Variants in BAZ1A observed in about 807,000 individuals in gnomAD.
BAZ1A encodes the protein bromodomain adjacent to zinc finger domain 1A, also known as bromodomain adjacent to zinc finger domain protein 1A.
BAZ1A carries 50 observed loss-of-function variants against 185.2 expected under a neutral mutation model. The ratio of observed to expected loss-of-function variants is 0.27; its 90% CI spans 0.22 to 0.34. The LOEUF (loss-of-function observed/expected upper bound fraction) is 0.34, where lower values mean the gene tolerates loss of function less well. Ranked by LOEUF, BAZ1A falls within the 10% of genes least tolerant of loss-of-function variation. The pLI, the probability that BAZ1A is intolerant of heterozygous loss-of-function variation, is 1.00. For missense variants in BAZ1A, 1,356 were observed against 1,839.9 expected, an observed-to-expected ratio of 0.74 and a Z score of 4.81; for synonymous variants, 571 against 615.6, an observed-to-expected ratio of 0.93 and a Z score of 1.07.
rs144094932 is a variant in BAZ1A at position 34,850,656 on chromosome 14, A to G, written c.392+11388T>C. ...AGCTAAATAGAAGATTATGTACTACAATATTACAGAGGTTCCTTAAGGGTA... is the reference window on the plus strand; with the variant it reads ...AGCTAAATAGAAGATTATGTACTACGATATTACAGAGGTTCCTTAAGGGTA... On this transcript the variant is annotated intron_variant, in intron 3 of 26. Transcript: ENST00000360310. 3.9e-3 allele frequency among the ~76,000 whole-genome samples: 601 copies of G among 152,354 alleles called. 1 individual carries two copies. The highest frequency in any genetic ancestry group is 0.014 in the African/African-American group (567 of 41,584).
intron 9 of BAZ1A, among the ~76,000 whole-genome samples, chr14:34,797,836 G>C (rs1349136317): frequency 6.6e-6 from 1 of 152,082 alleles, no homozygotes; most frequent in Non-Finnish European, 1.5e-5. Context: ...AGCAGGGCGA[G>C]CCAAAGCAGG....
rs2042583596 is a variant in BAZ1A, at chr14:34,850,728, T to TC, written c.392+11315dup. On this transcript the variant is annotated intron_variant, in intron 3 of 26. Transcript: ENST00000360310. ...AAAATTTTAGAATCTCTGCCACTTC[T>TC]CTGTAGCAAGTATCTTTTCTCTTGC... 2.6e-5 allele frequency among the ~76,000 whole-genome samples: 4 copies of TC among 152,242 alleles called. No homozygotes were observed. In the South Asian group the frequency reaches 8.3e-4, roughly 31 times the overall value.
At position 34,761,936 on chromosome 14, in the gene BAZ1A, C is replaced by T. The variant is rs1047041166; in HGVS notation, c.4064G>A (p.Arg1355His). The T allele has an allele frequency of 5.0e-6, 8 of 1,614,090 alleles. No homozygotes were observed. The highest frequency in any genetic ancestry group is 1.7e-5 in the Admixed American group (1 of 60,008). Residue 1355 changes from arginine to histidine, a missense_variant, in exon 24 of 27, where the codon CGT becomes CAT. Arg to His is a conservative substitution (Grantham distance 29, BLOSUM62 0). Around this residue, in one of 7 missense-constraint regions of BAZ1A, gnomAD observed 309 missense variants for 355.3 expected, o/e 0.87. Transcript: ENST00000360310. ...ACTTTTCCTGCCTCTGCGTTTTCTA[C>T]GAGGACTAAGCAATTCCACAAATAC... ...ADVFVELLSPRRKRRGRKSAN... is the reference protein window; with the variant it reads ...ADVFVELLSPHRKRRGRKSAN...
intron 25 of BAZ1A, among the ~76,000 whole-genome samples, chr14:34,756,014 T>C (rs1430545325): frequency 6.7e-6 from 1 of 149,352 alleles, no homozygotes; most frequent in Non-Finnish European, 1.5e-5. Context: ...TTTTTTTTTG[T>C]ATTTTTTGTA....
intron 7 of BAZ1A, among the ~76,000 whole-genome samples, chr14:34,801,458 A>AT (rs111402829): frequency 7.3e-5 from 11 of 150,864 alleles, no homozygotes; most frequent in African/African-American, 1.5e-4. Context: ...CACCTGGCTA[A>AT]TTTTTTTTTG....
chr14:34,808,528 A>AT (rs1281515289), intron 5 of BAZ1A, among the ~76,000 whole-genome samples: 1 of 152,128 alleles, frequency 6.6e-6, no homozygotes, highest in Non-Finnish European at 1.5e-5. Context: ...AACAAAAAAA[A>AT]TTAAAATCAG....
At chr14:34,848,541 G>A (rs1159984760) in intron 3 of BAZ1A, among the ~76,000 whole-genome samples, 1 of 152,128 alleles carries the variant, frequency 6.6e-6, no homozygotes, top group Non-Finnish European at 1.5e-5. Flanking sequence ...AGGCGGAGTT[G>A]CAGTGAGCCA....
At chr14:34,761,331 GC>G (rs1886513671) in intron 24 of BAZ1A, among the ~76,000 whole-genome samples, 1 of 152,060 alleles carries the variant, frequency 6.6e-6, no homozygotes, top group South Asian at 2.1e-4. Context: ...AAATATTACT[GC>G]TTCCAACTCT....
chr14:34,833,109 G>A (rs1344987086), intron 3 of BAZ1A, among the ~76,000 whole-genome samples: 2 of 152,104 alleles, frequency 1.3e-5, no homozygotes, highest in African/African-American at 4.8e-5. Flanking sequence ...AGGTGTGGTG[G>A]TGCACATCAG....
intron 3 of BAZ1A, chr14:34,845,192 ATT>A (rs1422349297): frequency 6.8e-6 from 1 of 147,344 alleles, no homozygotes; most frequent in African/African-American, 2.5e-5. Flanking sequence ...GTAGTTTTGT[ATT>A]TTTTCATACT....
At chr14:34,866,867 T>A (rs1012354016) in intron 2 of BAZ1A, among the ~76,000 whole-genome samples, 5 of 151,986 alleles carry the variant, frequency 3.3e-5, no homozygotes, top group Non-Finnish European at 7.4e-5. Context: ...TTAAAAATTT[T>A]AAAATAAAAA....
chr14:34,782,254 T>C (rs934121692), intron 16 of BAZ1A, among the ~76,000 whole-genome samples: 11 of 152,242 alleles, frequency 7.2e-5, no homozygotes, highest in Admixed American at 5.2e-4. Context: ...AATTTGATTA[T>C]AGCCAGCCTA....
chr14:34,840,407 T>C (rs1312948139), intron 3 of BAZ1A, among the ~76,000 whole-genome samples: 1 of 152,102 alleles, frequency 6.6e-6, no homozygotes, highest in Non-Finnish European at 1.5e-5. Flanking sequence ...CAAAATAAAG[T>C]ACATAAAAAC....
At chr14:34,870,180 A>C (rs2042928573) in intron 2 of BAZ1A, among the ~76,000 whole-genome samples, 2 of 152,230 alleles carry the variant, frequency 1.3e-5, no homozygotes, top group South Asian at 4.1e-4. Context: ...TCTGAAGAAA[A>C]AATGTATTTA....
intron 9 of BAZ1A, among the ~76,000 whole-genome samples, chr14:34,796,645 G>A (rs1316215413): frequency 6.6e-6 from 1 of 152,088 alleles, no homozygotes; most frequent in Non-Finnish European, 1.5e-5. Flanking sequence ...AATATTAACT[G>A]CTAAATGTCT....
rs1256759003 is a variant in BAZ1A at position 34,802,645 on chromosome 14, T to C, written c.861+209A>G. ...ACTTTGGTATAGAATCCTTGTGGTA[T>C]GAAAGTCATATCTAATTCACACCTG... is the stretch of plus-strand genomic sequence containing the variant. On this transcript the variant is annotated intron_variant, in intron 7 of 26. Coordinates refer to ENST00000360310, the MANE Select transcript of BAZ1A (RefSeq NM_013448.3). Among the ~76,000 whole-genome samples the C allele has an allele frequency of 3.9e-5, 6 of 152,242 alleles. 1 individual carries two copies. Among genetic ancestry groups the C allele is most frequent in the Non-Finnish European group, 7.3e-5 (5 of 68,044 alleles).
At chr14:34,755,292 C>G (rs1419336053) in intron 25 of BAZ1A, among the ~76,000 whole-genome samples, 3 of 152,100 alleles carry the variant, frequency 2.0e-5, no homozygotes, top group African/African-American at 7.2e-5. Flanking sequence ...TTATGCTATT[C>G]AATATTAATT....
In BAZ1A at chr14:34,766,223, A is replaced by T. The variant is rs146739096; in HGVS notation, c.3302-955T>A. Reference sequence around the variant, plus strand: ...ATGAGATAATACGCATAAGGCATTGAAGTATCTGTCACAGTAAATGCTAAT... The same window carrying T: ...ATGAGATAATACGCATAAGGCATTGTAGTATCTGTCACAGTAAATGCTAAT... On this transcript the variant is annotated intron_variant, in intron 21 of 26. Coordinates refer to ENST00000360310, the MANE Select transcript of BAZ1A (RefSeq NM_013448.3). Among the ~76,000 whole-genome samples the T allele has an allele frequency of 5.5e-3, 837 of 152,328 alleles. 8 individuals carry two copies. Among genetic ancestry groups the T allele is most frequent in the African/African-American group, 0.019 (806 of 41,572 alleles).
intron 23 of BAZ1A, among the ~76,000 whole-genome samples, chr14:34,764,164 AT>A (rs1215604915): frequency 2.0e-5 from 3 of 151,954 alleles, no homozygotes; most frequent in Non-Finnish European, 4.4e-5. Context: ...AATACAGTGC[AT>A]TTATCACTCT....
Sources: allele counts gnomAD v4.1 joint callset (sites outside exome capture counted in the v4.1 genomes callset), GRCh38; gene constraint gnomAD v4.1.1; regional missense constraint gnomAD v4.1.1; transcripts MANE v1.5; gene names NCBI Gene and HGNC (gene_info 2026-07-23, HGNC 2026-07-21).